Variants in NTM observed in about 807,000 individuals in gnomAD.
NTM encodes neurotrimin, also known as IgLON family member 2.
Under a neutral mutation model 42.1 loss-of-function variants are expected in NTM, and 13 were observed. The observed-to-expected ratio is 0.31, with a 90% CI of 0.20 to 0.49. The LOEUF is 0.49. Ranked by LOEUF, NTM falls within the 20% of genes least tolerant of loss-of-function variation. The probability of loss-of-function intolerance (pLI) is 0.99; values close to 1 mark genes in which losing one functional copy is unlikely to be tolerated. For missense variants in NTM, 373 were observed against 452.8 expected, an observed-to-expected ratio of 0.82 and a Z score of 1.60; for synonymous variants, 187 against 179.2, an observed-to-expected ratio of 1.04 and a Z score of -0.35.
chr11:132,113,945 C>A (rs947203371), intron 2 of NTM, among the ~76,000 whole-genome samples: 1 of 152,154 alleles, frequency 6.6e-6, no homozygotes, highest in Non-Finnish European at 1.5e-5. Flanking sequence ...ACCCATGCTG[C>A]GGCTCTTTCC....
intron 1 of NTM, among the ~76,000 whole-genome samples, chr11:131,553,309 C>T (rs2054959019): frequency 6.6e-6 from 1 of 152,082 alleles, no homozygotes; most frequent in South Asian, 2.1e-4. Flanking sequence ...AGTGTATATT[C>T]TACCGGTTTT....
intron 3 of NTM, among the ~76,000 whole-genome samples, chr11:132,165,949 TAAATAAAA>T (rs2075202537): frequency 1.3e-5 from 2 of 152,190 alleles, no homozygotes; most frequent in South Asian, 4.1e-4. Flanking sequence ...GAGAGTTTTA[TAAATAAAA>T]TAATTATTAC....
At chr11:132,218,300 A>G (rs923547432) in intron 4 of NTM, among the ~76,000 whole-genome samples, 4 of 152,200 alleles carry the variant, frequency 2.6e-5, no homozygotes, top group African/African-American at 9.6e-5. Context: ...GAGAGAAAGC[A>G]AAAGTTTTTC....
At chr11:131,973,016 T>C (rs2063779681) in intron 2 of NTM, among the ~76,000 whole-genome samples, 3 of 152,178 alleles carry the variant, frequency 2.0e-5, no homozygotes, top group Admixed American at 1.3e-4. Context: ...CAACATGTAC[T>C]TAACAGTTTA....
At chr11:131,441,139 T>C (rs1180821735) in intron 1 of NTM, among the ~76,000 whole-genome samples, 1 of 152,188 alleles carries the variant, frequency 6.6e-6, no homozygotes, top group Admixed American at 6.5e-5. Flanking sequence ...TGTCAGGAAT[T>C]ATTTTGATTG....
In NTM at chr11:132,070,565, G is replaced by C. The variant is rs74648094; in HGVS notation, c.168-75717G>C. 4.0e-5 allele frequency among the ~76,000 whole-genome samples: 4 copies of C among 99,124 alleles called. 1 individual carries two copies. The highest frequency in any genetic ancestry group is 1.3e-4 in the African/African-American group (3 of 23,860). 65.0% of individuals were successfully genotyped at this position (99,124 alleles called of 152,430 possible). The stretch of plus-strand genomic sequence containing the variant: ...CTGACCGTCACAGTTTAGTTAACAC[G>C]TCACACAGCCAAGTTAACACGTCAA... On this transcript the variant is annotated intron_variant, in intron 2 of 8. Coordinates refer to ENST00000683400, the MANE Select transcript of NTM (RefSeq NM_001352005.2).
chr11:132,278,249 G>A (rs939003222), intron 4 of NTM, among the ~76,000 whole-genome samples: 1 of 152,206 alleles, frequency 6.6e-6, no homozygotes, highest in African/African-American at 2.4e-5. Context: ...ACCAATCATT[G>A]TATTATGCTC....
chr11:131,952,831 G>A (rs752688327), intron 2 of NTM, among the ~76,000 whole-genome samples: 4 of 152,154 alleles, frequency 2.6e-5, no homozygotes, highest in Non-Finnish European at 4.4e-5. Flanking sequence ...TCTGACTGGT[G>A]ACCAATGCAT....
chr11:131,918,181 G>T (rs553745715), intron 2 of NTM, among the ~76,000 whole-genome samples: 1 of 152,148 alleles, frequency 6.6e-6, no homozygotes, highest in Admixed American at 6.5e-5. Flanking sequence ...TGAGAGGGCC[G>T]GCAGCCAGTA....
chr11:131,959,121 G>A (rs1189938566), intron 2 of NTM, among the ~76,000 whole-genome samples: 2 of 152,160 alleles, frequency 1.3e-5, no homozygotes, highest in African/African-American at 2.4e-5. Context: ...TGGCCCAAGT[G>A]GATGTTCTGT....
chr11:131,805,223 T>C (rs3867237), intron 1 of NTM, among the ~76,000 whole-genome samples: 115,272 of 152,182 alleles, frequency 0.76, 44,042 homozygotes, highest in East Asian at 0.8. Context: ...CCTTCCAACC[T>C]GACAGAAATT....
chr11:131,810,338 T>C (rs2092685246), intron 1 of NTM, among the ~76,000 whole-genome samples: 1 of 152,114 alleles, frequency 6.6e-6, no homozygotes, highest in South Asian at 2.1e-4. Flanking sequence ...TGCCCTACCA[T>C]TTTGTGGGCA....
At chr11:131,732,985 T>A (rs2079892390) in intron 1 of NTM, among the ~76,000 whole-genome samples, 1 of 152,222 alleles carries the variant, frequency 6.6e-6, no homozygotes, top group South Asian at 2.1e-4. Flanking sequence ...ATATAATTAG[T>A]ATGATGCATA....
At position 131,616,441 on chromosome 11, in the gene NTM, G is replaced by A. The variant is rs144986910; in HGVS notation, c.82+245553G>A. 4.3e-4 allele frequency among the ~76,000 whole-genome samples: 66 copies of A among 152,306 alleles called. 1 individual carries two copies. Among genetic ancestry groups the A allele is most frequent in the African/African-American group, 1.5e-3 (61 of 41,572 alleles). ...AGCAGAGAGGAAGCAATTTGACAAC[G>A]AGGTGAAAATTGCCACTGCTGATTC... On this transcript the variant is annotated intron_variant, in intron 1 of 8. Transcript: ENST00000683400.
At chr11:132,104,352 C>T (rs936591402) in intron 2 of NTM, among the ~76,000 whole-genome samples, 2 of 151,976 alleles carry the variant, frequency 1.3e-5, no homozygotes, top group African/African-American at 4.8e-5. Context: ...CCTCCATTTT[C>T]CCCCGTCCCA....
chr11:131,762,421 G>GTTC (rs1555116079), intron 1 of NTM, among the ~76,000 whole-genome samples: 1 of 152,246 alleles, frequency 6.6e-6, no homozygotes, highest in Non-Finnish European at 1.5e-5. Context: ...GAGGGTTTGA[G>GTTC]TTCTACATGT....
chr11:132,021,818 T>G (rs2074382142), intron 2 of NTM, among the ~76,000 whole-genome samples: 1 of 152,326 alleles, frequency 6.6e-6, no homozygotes, highest in African/African-American at 2.4e-5. Flanking sequence ...ACCTTCAAAG[T>G]GCGGACCATT....
intron 1 of NTM, among the ~76,000 whole-genome samples, chr11:131,608,712 T>TC (rs776341363): frequency 6.6e-4 from 100 of 152,310 alleles, no homozygotes; most frequent in Admixed American, 1.2e-3. Flanking sequence ...CTTTTTTACA[T>TC]CCCCTCTCTC....
intron 1 of NTM, among the ~76,000 whole-genome samples, chr11:131,373,068 AT>A (rs1941437726): frequency 6.6e-6 from 1 of 152,180 alleles, no homozygotes. Flanking sequence ...AGTGGTCGTA[AT>A]AGAACAAGGT....
Sources: gnomAD v4.1 joint callset for allele counts (sites outside exome capture counted in the v4.1 genomes callset) on GRCh38, gnomAD v4.1.1 for gene constraint, MANE v1.5 for transcripts, NCBI Gene and HGNC (gene_info 2026-07-23, HGNC 2026-07-21) for gene names.